The following OXCT1 variants were observed in gnomAD, a reference collection of about 807,000 sequenced individuals.
OXCT1 encodes the protein 3-oxoacid CoA-transferase 1, also known as succinyl-CoA:3-ketoacid coenzyme A transferase 1, mitochondrial.
Under a neutral mutation model 69.6 loss-of-function variants are expected in OXCT1, and 27 were observed. The ratio of observed to expected loss-of-function variants is 0.39; its 90% CI spans 0.29 to 0.54. The LOEUF (loss-of-function observed/expected upper bound fraction) is 0.54. Among genes scored for constraint, OXCT1 ranks in the 20% least tolerant of loss-of-function variants. OXCT1 has a pLI of 0.72. For synonymous variants in OXCT1, 202 were observed against 217.8 expected (o/e 0.93, Z 0.64); for missense variants, 437 against 650.2 (o/e 0.67, Z 3.57).
At chr5:41,799,951 AAAG>A (rs1746349877) in intron 11 of OXCT1, among the ~76,000 whole-genome samples, 1 of 152,308 alleles carries the variant, frequency 6.6e-6, no homozygotes, top group South Asian at 2.1e-4. Context: ...TAAGAATAAT[AAAG>A]AATAATAGTT....
intron 15 of OXCT1, among the ~76,000 whole-genome samples, chr5:41,741,255 C>T (rs1743152304): frequency 6.6e-6 from 1 of 152,076 alleles, no homozygotes; most frequent in South Asian, 2.1e-4. Context: ...ACCGCTTAAC[C>T]AATTTTTCAA....
At chr5:41,799,420 T>C (rs886191849) in intron 11 of OXCT1, among the ~76,000 whole-genome samples, 2 of 152,194 alleles carry the variant, frequency 1.3e-5, no homozygotes, top group African/African-American at 4.8e-5. Flanking sequence ...TCTTGCTTTG[T>C]AAAGTAGTTT....
chr5:41,840,504 C>T lies in OXCT1; in HGVS notation c.679G>A (p.Ala227Thr). Residue 227 changes from alanine to threonine, a missense_variant, in exon 7 of 17, where the codon GCA becomes ACA. Ala to Thr is a moderately conservative substitution (Grantham distance 58). Coordinates refer to ENST00000196371, the MANE Select transcript of OXCT1 (RefSeq NM_000436.4). ...CACATTGGCAAGTTGAAATTCCTTG[C>T]ACTTTTCCTACAGGGGTGGAGGAGA... is the stretch of plus-strand genomic sequence containing the variant. ...RAGNVIFRKS[A>T]RNFNLPMCKA... 6.2e-7 allele frequency: 1 copy of T among 1,612,344 alleles called. No individual in the cohort carries two copies. The highest frequency in any genetic ancestry group is 8.5e-7 in the Non-Finnish European group (1 of 1,178,692).
chr5:41,842,919 T>G (rs1369865562), intron 5 of OXCT1, 138 bp from the exon 6 acceptor site: 3 of 737,518 alleles, frequency 4.1e-6, no homozygotes, highest in Non-Finnish European at 7.5e-6. Context: ...CCCAGAGACT[T>G]CAAAGATAAG....
rs764160711 is a variant in OXCT1 at position 41,807,340 on chromosome 5, T to C, written c.831A>G (p.Lys277=). 2 of 1,534,766 alleles carry C rather than the reference T, an allele frequency of 1.3e-6. No homozygotes were observed. Among genetic ancestry groups the C allele is most frequent in the South Asian group, 1.1e-5 (1 of 89,538 alleles). Residue 277 remains lysine (K), a synonymous_variant, in exon 8 of 17, where the codon AAA becomes AAG. Transcript: ENST00000196371. ...CAGCTAAGTCAATTACCTCAATTCT[T>C]TTCTCATATTTTTCTCCCTTTATAA... ...HRLIKGEKYE[K]RIERLSIRKE... is the part of the protein sequence containing the mutation.
At chr5:41,766,651 A>C (rs1744618663) in intron 13 of OXCT1, among the ~76,000 whole-genome samples, 1 of 152,018 alleles carries the variant, frequency 6.6e-6, no homozygotes, top group African/African-American at 2.4e-5. Context: ...TTTTACAAAA[A>C]GGAAAAATGA....
At chr5:41,811,831 C>A (rs1746999554) in intron 7 of OXCT1, among the ~76,000 whole-genome samples, 1 of 152,004 alleles carries the variant, frequency 6.6e-6, no homozygotes, top group African/African-American at 2.4e-5. Flanking sequence ...AACAAAAAAG[C>A]ATGTTCTGCC....
intron 11 of OXCT1, among the ~76,000 whole-genome samples, chr5:41,799,609 C>A (rs1746337002): frequency 6.6e-6 from 1 of 152,106 alleles, no homozygotes; most frequent in Admixed American, 6.5e-5. Context: ...AAACTGAAGC[C>A]TGAAATTTGG....
chr5:41,786,790 A>G (rs538110699), intron 13 of OXCT1, among the ~76,000 whole-genome samples: 72 of 152,334 alleles, frequency 4.7e-4, no homozygotes, highest in Admixed American at 9.1e-4. Context: ...AAATGCACAC[A>G]CATTCACATA....
intron 15 of OXCT1, among the ~76,000 whole-genome samples, 161 bp downstream of exon 15, chr5:41,749,366 T>C (rs958294279): frequency 5.3e-5 from 8 of 152,074 alleles, no homozygotes; most frequent in African/African-American, 1.9e-4. Context: ...ACATAAAGAA[T>C]TCTACATTTA....
chr5:41,805,026 T>C (rs947926255), intron 9 of OXCT1, among the ~76,000 whole-genome samples: 24 of 152,134 alleles, frequency 1.6e-4, no homozygotes, highest in Admixed American at 1.4e-3. Context: ...GCATTAATTA[T>C]GTCTACTCTA....
chr5:41,737,915 C>T (rs963583053), intron 16 of OXCT1, among the ~76,000 whole-genome samples: 3 of 152,172 alleles, frequency 2.0e-5, no homozygotes, highest in South Asian at 2.1e-4. Context: ...ATTAGCCGGG[C>T]GTGGCGGCAT....
At position 41,777,458 on chromosome 5, in the gene OXCT1, A is replaced by G. The variant is rs566612286; in HGVS notation, c.1249-15258T>C. The stretch of plus-strand genomic sequence containing the variant: ...GAAGAAAAGCTAAATACATCACCTG[A>G]AGTCACAGAACAAGTCAGAAAAAAA... On this transcript the variant is annotated intron_variant, in intron 13 of 16. Coordinates refer to ENST00000196371, the MANE Select transcript of OXCT1 (RefSeq NM_000436.4). Among the ~76,000 whole-genome samples, 3 of 152,274 alleles carry G rather than the reference A, an allele frequency of 2.0e-5. No individual in the cohort carries two copies. The South Asian group carries it at 6.2e-4, about 32-fold the overall frequency.
intron 16 of OXCT1, among the ~76,000 whole-genome samples, chr5:41,738,642 T>C (rs1325528840): frequency 2.6e-5 from 4 of 152,240 alleles, no homozygotes; most frequent in African/African-American, 9.6e-5. Flanking sequence ...CTTTCCTTCA[T>C]TTCTTCAGAG....
At chr5:41,853,854 C>A (rs1367426070) in intron 3 of OXCT1, among the ~76,000 whole-genome samples, 1 of 152,068 alleles carries the variant, frequency 6.6e-6, no homozygotes, top group South Asian at 2.1e-4. Flanking sequence ...CCATGTCAAC[C>A]CTACAGTTTT....
chr5:41,767,215 A>C (rs1016202916), intron 13 of OXCT1, among the ~76,000 whole-genome samples: 1 of 152,160 alleles, frequency 6.6e-6, no homozygotes, highest in African/African-American at 2.4e-5. Flanking sequence ...TTACATGAGA[A>C]TATTTCTCTT....
intron 15 of OXCT1, 30 bp from the exon 16 acceptor site, chr5:41,739,521 A>T (rs774887939): frequency 6.9e-7 from 1 of 1,447,164 alleles, no homozygotes; most frequent in Admixed American, 1.7e-5. Context: ...AAGGACAATG[A>T]CAATTTCCAT....
chr5:41,824,783 C>A (rs1747721707), intron 7 of OXCT1, among the ~76,000 whole-genome samples: 1 of 152,084 alleles, frequency 6.6e-6, no homozygotes. Context: ...TTGTAAATTC[C>A]TCAGAGAAAG....
chr5:41,774,986 T>C (rs903043667), intron 13 of OXCT1, among the ~76,000 whole-genome samples: 2 of 152,134 alleles, frequency 1.3e-5, no homozygotes, highest in African/African-American at 4.8e-5. Context: ...TGAGAACATA[T>C]TGATATAAAC....
Sources: allele counts gnomAD v4.1 joint callset (sites outside exome capture counted in the v4.1 genomes callset), GRCh38; gene constraint gnomAD v4.1.1; transcripts MANE v1.5; gene names NCBI Gene and HGNC (gene_info 2026-07-23, HGNC 2026-07-21).